The following PRMT8 variants were observed in gnomAD, a reference collection of about 807,000 sequenced individuals.
PRMT8 encodes protein arginine N-methyltransferase 8.
In PRMT8, 7 loss-of-function variants were observed where a neutral mutation model predicts 47.1. The observed-to-expected ratio is 0.15, with a 90% CI of 0.08 to 0.28. PRMT8 has a LOEUF of 0.28. Ranked by LOEUF, PRMT8 falls within the 10% of genes least tolerant of loss-of-function variation. The probability of loss-of-function intolerance (pLI) is 1.00; values close to 1 mark genes in which losing one functional copy is unlikely to be tolerated. For missense variants in PRMT8, 237 were observed against 505.4 expected, an observed-to-expected ratio of 0.47 and a Z score of 5.09; for synonymous variants, 188 against 186.5, an observed-to-expected ratio of 1.01 and a Z score of -0.07.
chr12:3,397,016 G>A (rs929724199), intron 1 of PRMT8, among the ~76,000 whole-genome samples: 4 of 151,872 alleles, frequency 2.6e-5, no homozygotes, highest in African/African-American at 9.7e-5. Flanking sequence ...GGCTCCTGAG[G>A]CTTCTGCATT....
At chr12:3,507,048 A>G (rs189950724) in intron 1 of PRMT8, among the ~76,000 whole-genome samples, 16 of 152,080 alleles carry the variant, frequency 1.1e-4, no homozygotes, top group Admixed American at 3.9e-4. Context: ...AAATTCCTCA[A>G]TTAGGGCCCC....
intron 1 of PRMT8, among the ~76,000 whole-genome samples, chr12:3,466,255 T>C (rs1865096690): frequency 6.6e-6 from 1 of 152,206 alleles, no homozygotes; most frequent in African/African-American, 2.4e-5. Context: ...GCTGACATCC[T>C]GTGGGCTCGT....
chr12:3,416,688 T>C (rs905655205), intron 1 of PRMT8, among the ~76,000 whole-genome samples: 1 of 152,212 alleles, frequency 6.6e-6, no homozygotes, highest in African/African-American at 2.4e-5. Context: ...TTGATTCTGA[T>C]GTCAGTTTCA....
At chr12:3,546,028 CTG>C (rs1227297224) in intron 2 of PRMT8, among the ~76,000 whole-genome samples, 1 of 152,118 alleles carries the variant, frequency 6.6e-6, no homozygotes, top group Non-Finnish European at 1.5e-5. Flanking sequence ...GAATTAGAAA[CTG>C]AGAACAATAA....
chr12:3,540,507 G>A, intron 1 of PRMT8, 99 bp from the exon 2 acceptor site: 1 of 805,904 alleles, frequency 1.2e-6, no homozygotes, highest in South Asian at 1.6e-5. Context: ...GGCTGCTTGA[G>A]GCCGGGCTCA....
intron 1 of PRMT8, among the ~76,000 whole-genome samples, chr12:3,530,765 A>G (rs1346201658): frequency 1.3e-5 from 2 of 152,182 alleles, no homozygotes; most frequent in African/African-American, 4.8e-5. Flanking sequence ...AGAGCATCTA[A>G]AGATAGCACC....
At chr12:3,416,482 C>A (rs1407024237) in intron 1 of PRMT8, among the ~76,000 whole-genome samples, 4 of 152,160 alleles carry the variant, frequency 2.6e-5, no homozygotes, top group African/African-American at 7.2e-5. Context: ...TGCTCCCAGA[C>A]ATGGAGGAAA....
At chr12:3,562,471 C>G (rs1866653834) in intron 4 of PRMT8, among the ~76,000 whole-genome samples, 1 of 151,916 alleles carries the variant, frequency 6.6e-6, no homozygotes, top group Non-Finnish European at 1.5e-5. Context: ...GGCAAGCGAA[C>G]AAACAAAATC....
At chr12:3,527,690 G>C (rs1865968286) in intron 1 of PRMT8, among the ~76,000 whole-genome samples, 2 of 152,072 alleles carry the variant, frequency 1.3e-5, no homozygotes, top group Admixed American at 6.5e-5. Flanking sequence ...AATAGTTAAT[G>C]ATCTTCTAAA....
chr12:3,455,433 C>T (rs1308292454), intron 1 of PRMT8, among the ~76,000 whole-genome samples: 1 of 152,114 alleles, frequency 6.6e-6, no homozygotes, highest in African/African-American at 2.4e-5. Flanking sequence ...TGAGCTGCTT[C>T]AGGCGTCGAT....
In PRMT8 at chr12:3,514,002, C is replaced by T. The variant is rs562389040; in HGVS notation, c.75+22302C>T. On this transcript the variant is annotated intron_variant, in intron 1 of 9. Transcript: ENST00000382622. The surrounding 1 kb of genome is among the most constrained non-coding windows in gnomAD (Gnocchi z 5.9). ...CATCTTGGAATCCTTCTTGAGCCCC[C>T]GGATACTGAAGGATCAGGCAGATCC... Among the ~76,000 whole-genome samples the T allele has an allele frequency of 5.9e-5, 9 of 152,272 alleles. No individual in the cohort carries two copies. Among genetic ancestry groups the T allele is most frequent in the African/African-American group, 1.7e-4 (7 of 41,550 alleles).
At chr12:3,544,159 G>T (rs898337635) in intron 2 of PRMT8, among the ~76,000 whole-genome samples, 2 of 152,236 alleles carry the variant, frequency 1.3e-5, no homozygotes, top group African/African-American at 4.8e-5. Context: ...ACAGCTAGAG[G>T]CTGGGAACTG....
chr12:3,575,080 G>A (rs558487468), intron 6 of PRMT8, among the ~76,000 whole-genome samples: 14 of 152,316 alleles, frequency 9.2e-5, no homozygotes, highest in Middle Eastern at 3.4e-3. Context: ...CACCAGCCTC[G>A]GGTGATTTAA....
At chr12:3,465,535 G>C (rs560397011) in intron 1 of PRMT8, among the ~76,000 whole-genome samples, 1 of 151,970 alleles carries the variant, frequency 6.6e-6, no homozygotes, top group African/African-American at 2.4e-5. Context: ...GAAAGAGTGG[G>C]CAATTCTACT....
At chr12:3,430,633 G>A (rs912648477) in intron 1 of PRMT8, among the ~76,000 whole-genome samples, 6 of 152,192 alleles carry the variant, frequency 3.9e-5, no homozygotes, top group South Asian at 2.1e-4. Context: ...GTCAAGTGAC[G>A]TAGTTTCACA....
At position 3,569,689 on chromosome 12, in the gene PRMT8, C is replaced by A; in HGVS notation, c.712+125C>A. ...TTGCTGTCCCTGAAGAGGAGCTTAT[C>A]TGGGACCCTTTCTGGAGTCTGCTCT... On this transcript the variant is annotated intron_variant, in intron 6 of 9. Coordinates refer to ENST00000382622, the MANE Select transcript of PRMT8 (RefSeq NM_019854.5). The surrounding 1 kb of genome is among the most constrained non-coding windows in gnomAD (Gnocchi z 8.2). 1 of 785,346 alleles carries A rather than the reference C, an allele frequency of 1.3e-6. No homozygotes were observed. Among genetic ancestry groups the A allele is most frequent in the Non-Finnish European group, 2.2e-6 (1 of 446,462 alleles). 48.6% of individuals were successfully genotyped at this position (785,346 alleles called of 1,614,324 possible). A position where few individuals can be genotyped will look rare whatever the true frequency, so the allele number is the denominator to read the frequency against.
intron 1 of PRMT8, among the ~76,000 whole-genome samples, chr12:3,427,763 C>T (rs543142833): frequency 4.6e-5 from 7 of 152,200 alleles, no homozygotes; most frequent in South Asian, 2.1e-4. Context: ...TTTTAAACAA[C>T]TAGTTAATTT....
chr12:3,483,691 A>AAT (rs1269519548), intron 1 of PRMT8, among the ~76,000 whole-genome samples: 2 of 152,216 alleles, frequency 1.3e-5, no homozygotes, highest in Non-Finnish European at 2.9e-5. Flanking sequence ...CGTTAATTTG[A>AAT]ATATATTTTG....
At chr12:3,590,474 A>G (rs1258726947) in intron 8 of PRMT8, among the ~76,000 whole-genome samples, 3 of 152,120 alleles carry the variant, frequency 2.0e-5, no homozygotes, top group Non-Finnish European at 4.4e-5. Context: ...TTCTTGGTAA[A>G]TTAAAAATCT....
Sources: allele counts gnomAD v4.1 joint callset (sites outside exome capture counted in the v4.1 genomes callset), GRCh38; gene constraint gnomAD v4.1.1; non-coding constraint Gnocchi (gnomAD v3.1); transcripts MANE v1.5; gene names NCBI Gene and HGNC (gene_info 2026-07-23, HGNC 2026-07-21).